Variants in PACRG observed in about 807,000 individuals in gnomAD.
PACRG encodes parkin coregulated.
PACRG carries 29 observed loss-of-function variants against 29.7 expected under a neutral mutation model. The ratio of observed to expected loss-of-function variants is 0.98; its 90% CI spans 0.73 to 1.33. The LOEUF is 1.33. PACRG is among the 40% of genes most tolerant of loss of function. The pLI is 0.00. For missense variants in PACRG, 279 were observed against 316.2 expected, an observed-to-expected ratio of 0.88 and a Z score of 0.89; for synonymous variants, 116 against 118.7, an observed-to-expected ratio of 0.98 and a Z score of 0.15.
At chr6:162,831,037 C>A (rs1026314215) in intron 2 of PACRG, among the ~76,000 whole-genome samples, 6 of 152,154 alleles carry the variant, frequency 3.9e-5, no homozygotes, top group African/African-American at 1.2e-4. Flanking sequence ...TAAAACCCAC[C>A]TCTTCTGTGA....
intron 2 of PACRG, among the ~76,000 whole-genome samples, chr6:163,010,877 G>A (rs543911943): frequency 2.6e-5 from 4 of 152,178 alleles, no homozygotes; most frequent in African/African-American, 9.7e-5. Flanking sequence ...GTGACTGAGC[G>A]CGGGCCCCTC....
intron 4 of PACRG, among the ~76,000 whole-genome samples, chr6:163,223,914 C>T (rs1392940950): frequency 6.6e-6 from 1 of 152,150 alleles, no homozygotes; most frequent in Non-Finnish European, 1.5e-5. Context: ...GAAATGGGCT[C>T]TGAGTTGGAG....
intron 4 of PACRG, among the ~76,000 whole-genome samples, chr6:163,304,077 GT>G (rs1234936728): frequency 2.3e-5 from 3 of 132,584 alleles, no homozygotes; most frequent in African/African-American, 8.7e-5. Flanking sequence ...TGAACAAAAA[GT>G]TTTTTTTCTT....
intron 4 of PACRG, among the ~76,000 whole-genome samples, chr6:163,203,240 C>T (rs1780778111): frequency 6.6e-6 from 1 of 152,024 alleles, no homozygotes; most frequent in Admixed American, 6.6e-5. Flanking sequence ...TGGTGAAACC[C>T]CATCTCTACC....
At chr6:163,033,157 T>C (rs1416679115) in intron 2 of PACRG, among the ~76,000 whole-genome samples, 3 of 152,252 alleles carry the variant, frequency 2.0e-5, no homozygotes, top group African/African-American at 7.2e-5. Context: ...ACCTTGTGTA[T>C]AGAACTGTGT....
intron 2 of PACRG, among the ~76,000 whole-genome samples, chr6:163,003,477 A>G (rs1347030531): frequency 6.6e-6 from 1 of 152,204 alleles, no homozygotes; most frequent in Admixed American, 6.5e-5. Context: ...TAAAATGGAA[A>G]AATCTGGGAA....
chr6:162,992,335 CTCTGGTAGA>C (rs1803510375), intron 2 of PACRG, among the ~76,000 whole-genome samples: 1 of 114,066 alleles, frequency 8.8e-6, no homozygotes. Context: ...CTCCTTGTAC[CTCTGGTAGA>C]ATTCGGCTGT....
At chr6:162,788,657 A>G (rs1436954479) in intron 1 of PACRG, among the ~76,000 whole-genome samples, 3 of 152,192 alleles carry the variant, frequency 2.0e-5, no homozygotes, top group Admixed American at 1.3e-4. Flanking sequence ...GTTGCTCCAT[A>G]TCTTCTCCAG....
At chr6:162,996,436 GT>G (rs1431645895) in intron 2 of PACRG, among the ~76,000 whole-genome samples, 9 of 152,042 alleles carry the variant, frequency 5.9e-5, no homozygotes, top group African/African-American at 2.2e-4. Flanking sequence ...AAATTCGTTT[GT>G]GCTTTGATCC....
chr6:163,240,225 T>G, intron 4 of PACRG, among the ~76,000 whole-genome samples: 1 of 147,672 alleles, frequency 6.8e-6, no homozygotes, highest in Non-Finnish European at 1.5e-5. Context: ...CGCCTGGCCT[T>G]GGAGAGAGAT....
chr6:163,215,616 T>C lies in PACRG; in HGVS notation c.614-99211T>C, dbSNP rs149446688. 4.1e-3 allele frequency among the ~76,000 whole-genome samples: 625 copies of C among 152,334 alleles called. 5 individuals carry two copies. Among genetic ancestry groups the C allele is most frequent in the Middle Eastern group, 0.034 (10 of 294 alleles). On this transcript the variant is annotated intron_variant, in intron 4 of 4. Coordinates refer to ENST00000366888, the MANE Select transcript of PACRG (RefSeq NM_001080379.2). ...CAATAAACAAATAGAATATATATCT[T>C]AGAGCTATTTATGAGCAATCTGGGC...
At chr6:162,754,970 C>T (rs1324415302) in intron 1 of PACRG, among the ~76,000 whole-genome samples, 3 of 152,122 alleles carry the variant, frequency 2.0e-5, no homozygotes, top group Non-Finnish European at 4.4e-5. Flanking sequence ...AATCTCTTTA[C>T]TTACTACTGG....
intron 2 of PACRG, among the ~76,000 whole-genome samples, chr6:162,906,146 T>G (rs989280721): frequency 1.3e-5 from 2 of 152,224 alleles, no homozygotes; most frequent in Non-Finnish European, 2.9e-5. Flanking sequence ...CATCTTGAAT[T>G]TTAATAATGA....
intron 2 of PACRG, among the ~76,000 whole-genome samples, chr6:162,874,036 A>T (rs1460274174): frequency 6.6e-6 from 1 of 152,028 alleles, no homozygotes; most frequent in Non-Finnish European, 1.5e-5. Flanking sequence ...CATTAACAAT[A>T]GTGATTATTT....
intron 4 of PACRG, among the ~76,000 whole-genome samples, chr6:163,257,126 C>A (rs986382566): frequency 1.3e-5 from 2 of 152,030 alleles, no homozygotes; most frequent in African/African-American, 4.8e-5. Flanking sequence ...GTTCTTATAC[C>A]GAGATCCTTA....
At chr6:162,727,389 T>G, upstream of PACRG, 3 of 455,420 alleles carry the variant, frequency 6.6e-6, no homozygotes, top group East Asian at 4.0e-5. Context: ...GGAGCGGGGG[T>G]GCGGGGCCGC....
chr6:162,859,515 ACTCT>A (rs1362700447), intron 2 of PACRG, among the ~76,000 whole-genome samples: 5 of 152,012 alleles, frequency 3.3e-5, no homozygotes, highest in Non-Finnish European at 7.4e-5. Context: ...CTCGGAGGTC[ACTCT>A]CTCACCTTCT....
chr6:163,116,086 G>A (rs1815975702), intron 4 of PACRG, among the ~76,000 whole-genome samples: 1 of 152,208 alleles, frequency 6.6e-6, no homozygotes, highest in Admixed American at 6.5e-5. Flanking sequence ...ACAGTTGTAA[G>A]GAAATACCTG....
rs77814786 is a variant in PACRG, at chr6:163,162,320, G to A, written c.613+72912G>A. 4.1e-3 allele frequency among the ~76,000 whole-genome samples: 626 copies of A among 152,324 alleles called. 2 individuals carry two copies. Among genetic ancestry groups the A allele is most frequent in the African/African-American group, 0.014 (587 of 41,574 alleles). On this transcript the variant is annotated intron_variant, in intron 4 of 4. Coordinates refer to ENST00000366888, the MANE Select transcript of PACRG (RefSeq NM_001080379.2). ...TCAACGTGGCTAGTAAAGCTCTGGT[G>A]GGACCTTGGTTCTCAATCCTGGCTG...
Sources: allele counts gnomAD v4.1 joint callset (sites outside exome capture counted in the v4.1 genomes callset), GRCh38; gene constraint gnomAD v4.1.1; transcripts MANE v1.5; gene names NCBI Gene and HGNC (gene_info 2026-07-23, HGNC 2026-07-21).